The following SEPTIN7 variants were observed in gnomAD, a reference collection of about 807,000 sequenced individuals.
SEPTIN7 encodes the protein septin 7, also known as septin-7.
A neutral mutation model predicts 63.3 loss-of-function variants in SEPTIN7; 10 were observed. The observed-to-expected ratio is 0.16, with a 90% CI of 0.10 to 0.27. SEPTIN7 has a LOEUF of 0.27. Ranked by LOEUF, SEPTIN7 falls within the 10% of genes least tolerant of loss-of-function variation. SEPTIN7 has a pLI of 1.00. For missense variants in SEPTIN7, 310 were observed against 521.0 expected, an observed-to-expected ratio of 0.59 and a Z score of 3.94; for synonymous variants, 131 against 165.3, an observed-to-expected ratio of 0.79 and a Z score of 1.59.
intron 1 of SEPTIN7, among the ~76,000 whole-genome samples, chr7:35,807,269 C>T (rs118004696): frequency 0.13 from 19,448 of 150,808 alleles, 1,868 homozygotes; most frequent in African/African-American, 0.27. Context: ...CCGCAGCCTC[C>T]GCCTCCCCGG....
At chr7:35,828,179 TTACTGAGACTGC>T (rs1222491622) in intron 1 of SEPTIN7, among the ~76,000 whole-genome samples, 1 of 152,214 alleles carries the variant, frequency 6.6e-6, no homozygotes, top group Non-Finnish European at 1.5e-5. Flanking sequence ...TGTCACCATG[TTACTGAGACTGC>T]TCTTATTTTT....
chr7:35,873,791 C>G lies in SEPTIN7; in HGVS notation c.512+16C>G. 6.2e-7 allele frequency: 1 copy of G among 1,603,844 alleles called. No individual in the cohort carries two copies. Among genetic ancestry groups the G allele is most frequent in the Non-Finnish European group, 8.5e-7 (1 of 1,175,750 alleles). The stretch of plus-strand genomic sequence containing the variant: ...CAGGACATGGGTCAGTACCTTGATA[C>G]TTCTGATTCCTTTTTTGTTGTTGTT... On this transcript the variant is annotated intron_variant, in intron 6 of 13. Transcript: ENST00000350320.
chr7:35,840,443 A>C (rs1177697214), intron 3 of SEPTIN7, among the ~76,000 whole-genome samples: 3 of 150,902 alleles, frequency 2.0e-5, no homozygotes, highest in Non-Finnish European at 3.0e-5. Flanking sequence ...AATAAAAATA[A>C]AACAAAATTT....
intron 1 of SEPTIN7, among the ~76,000 whole-genome samples, chr7:35,804,663 A>G (rs1475478103): frequency 6.6e-6 from 1 of 152,198 alleles, no homozygotes; most frequent in Admixed American, 6.5e-5. Context: ...GTTGTTAACA[A>G]TACGGTACAT....
At chr7:35,871,718 C>CT (rs1786160426) in intron 4 of SEPTIN7, among the ~76,000 whole-genome samples, 1 of 152,168 alleles carries the variant, frequency 6.6e-6, no homozygotes, top group African/African-American at 2.4e-5. Context: ...TGTAAATTAG[C>CT]TTATCAGCAT....
chr7:35,811,219 A>T (rs1017575530), intron 1 of SEPTIN7, among the ~76,000 whole-genome samples: 3 of 152,230 alleles, frequency 2.0e-5, no homozygotes, highest in East Asian at 3.9e-4. Context: ...ATATTTTTTT[A>T]AAAAATAAGG....
At position 35,801,107 on chromosome 7, in the gene SEPTIN7, A is replaced by T. The variant is rs138800206; in HGVS notation, c.-103A>T. 4.0e-5 allele frequency: 37 copies of T among 921,704 alleles called. No individual in the cohort carries two copies. In the African/African-American group the frequency reaches 6.0e-4, roughly 15 times the overall value. 57.1% of individuals were successfully genotyped at this position (921,704 alleles called of 1,614,324 possible). A position where few individuals can be genotyped will look rare whatever the true frequency, so the allele number is the denominator to read the frequency against. On this transcript the variant is annotated 5_prime_UTR_variant, in exon 1 of 14. Coordinates refer to ENST00000350320, the MANE Select transcript of SEPTIN7 (RefSeq NM_001788.6). The stretch of plus-strand genomic sequence containing the variant: ...TCCGCCTGCTGTAGCGTGCGTAAGC[A>T]AGGCAGCTACGCCGGGCGGCTACGC...
chr7:35,899,027 T>G (rs919066638), intron 12 of SEPTIN7: 1 of 152,194 alleles, frequency 6.6e-6, no homozygotes, highest in African/African-American at 2.4e-5. Context: ...AGTTATACAT[T>G]TAGTTTCTAT....
intron 6 of SEPTIN7, among the ~76,000 whole-genome samples, chr7:35,878,341 G>T (rs1220350011): frequency 2.6e-5 from 4 of 152,132 alleles, no homozygotes; most frequent in African/African-American, 9.7e-5. Context: ...AGATGTCAAA[G>T]TATGATGCTT....
chr7:35,831,876 T>C (rs1783849087), intron 2 of SEPTIN7: 1 of 294,252 alleles, frequency 3.4e-6, no homozygotes, highest in African/African-American at 2.3e-5. Flanking sequence ...GATTGCTTTT[T>C]AAATGAGAAT....
chr7:35,803,827 TTTGA>T (rs1363506948), intron 1 of SEPTIN7, among the ~76,000 whole-genome samples: 1 of 152,116 alleles, frequency 6.6e-6, no homozygotes, highest in Non-Finnish European at 1.5e-5. Flanking sequence ...TGTAAGGTAG[TTTGA>T]TTATGGGTTT....
intron 4 of SEPTIN7, among the ~76,000 whole-genome samples, chr7:35,868,581 T>G (rs981430989): frequency 1.3e-5 from 2 of 152,028 alleles, no homozygotes; most frequent in Non-Finnish European, 2.9e-5. Context: ...AAGTGAGTGG[T>G]GAGTCAGTGA....
At chr7:35,851,676 T>C (rs1784967668) in intron 3 of SEPTIN7, among the ~76,000 whole-genome samples, 1 of 152,190 alleles carries the variant, frequency 6.6e-6, no homozygotes, top group Non-Finnish European at 1.5e-5. Context: ...AGTTCTCTAT[T>C]GTTTTGCATT....
At chr7:35,900,673 T>A (rs935134544) in intron 12 of SEPTIN7, 7 of 152,198 alleles carry the variant, frequency 4.6e-5, no homozygotes, top group African/African-American at 1.7e-4. Flanking sequence ...TAACTTATAT[T>A]TGAGGCAGAT....
intron 11 of SEPTIN7, among the ~76,000 whole-genome samples, chr7:35,894,394 C>A (rs544838050): frequency 7.9e-5 from 12 of 152,130 alleles, no homozygotes; most frequent in African/African-American, 2.9e-4. Context: ...AAGTGAATGA[C>A]TAAAAATACA....
intron 3 of SEPTIN7, among the ~76,000 whole-genome samples, chr7:35,855,625 C>G (rs559870607): frequency 6.6e-6 from 1 of 152,198 alleles, no homozygotes; most frequent in African/African-American, 2.4e-5. Flanking sequence ...GTAATTTTCA[C>G]ATAGGAAGAG....
chr7:35,864,884 A>G lies in SEPTIN7; in HGVS notation c.276+1226A>G, dbSNP rs1022026075. On this transcript the variant is annotated intron_variant, in intron 4 of 13. Coordinates refer to ENST00000350320, the MANE Select transcript of SEPTIN7 (RefSeq NM_001788.6). ...AGTGGTAGTGATCATCCCAGTGCAC[A>G]GGATGGAGGGACAGTCTGTATATTC... 7.9e-5 allele frequency among the ~76,000 whole-genome samples: 12 copies of G among 152,176 alleles called. 1 individual carries two copies. The highest frequency in any genetic ancestry group is 2.7e-4 in the African/African-American group (11 of 41,440).
At chr7:35,857,600 G>A (rs7787213) in intron 3 of SEPTIN7, among the ~76,000 whole-genome samples, 143,612 of 152,248 alleles carry the variant, frequency 0.94, 68,211 homozygotes, top group East Asian at 1. Flanking sequence ...TATTATTTAT[G>A]TATCCCCTGA....
At chr7:35,819,726 T>C (rs73692286) in intron 1 of SEPTIN7, among the ~76,000 whole-genome samples, 15 of 152,314 alleles carry the variant, frequency 9.8e-5, no homozygotes, top group African/African-American at 3.6e-4. Context: ...AGTCTGTGTT[T>C]TCTGATATTA....
Sources: gnomAD v4.1 joint callset for allele counts (sites outside exome capture counted in the v4.1 genomes callset) on GRCh38, gnomAD v4.1.1 for gene constraint, MANE v1.5 for transcripts, NCBI Gene and HGNC (gene_info 2026-07-23, HGNC 2026-07-21) for gene names.